MGAT4C: variants seen among roughly 807,000 people sequenced by gnomAD.
MGAT4C encodes alpha-1,3-mannosyl-glycoprotein 4-beta-N-acetylglucosaminyltransferase C.
Under a neutral mutation model 40.1 loss-of-function variants are expected in MGAT4C, and 19 were observed. The observed-to-expected ratio is 0.47, with a 90% CI of 0.33 to 0.70. The LOEUF (loss-of-function observed/expected upper bound fraction) is 0.70. Ranked by LOEUF, MGAT4C falls within the 30% of genes least tolerant of loss-of-function variation. The pLI is 0.02. For synonymous variants in MGAT4C, 181 were observed against 187.1 expected (o/e 0.97, Z 0.27); for missense variants, 491 against 563.2 (o/e 0.87, Z 1.30).
intron 1 of MGAT4C, among the ~76,000 whole-genome samples, chr12:86,834,755 G>A (rs932161601): frequency 6.6e-6 from 1 of 151,830 alleles, no homozygotes; most frequent in African/African-American, 2.4e-5. Flanking sequence ...TATAAATGAA[G>A]TCAGATGCCT....
At chr12:86,481,150 C>T (rs1175386362) in intron 2 of MGAT4C, among the ~76,000 whole-genome samples, 3 of 151,878 alleles carry the variant, frequency 2.0e-5, no homozygotes, top group Admixed American at 6.6e-5. Flanking sequence ...GTTTATAATG[C>T]TATAAATTCT....
chr12:86,629,027 A>G (rs538826739), intron 2 of MGAT4C, among the ~76,000 whole-genome samples: 2 of 152,270 alleles, frequency 1.3e-5, no homozygotes, highest in South Asian at 4.1e-4. Context: ...ATGCAGAGAC[A>G]CACATAGGCT....
intron 3 of MGAT4C, among the ~76,000 whole-genome samples, chr12:86,345,085 C>A (rs1368952100): frequency 3.3e-5 from 5 of 151,928 alleles, no homozygotes; most frequent in African/African-American, 7.2e-5. Context: ...TTTGAACAGA[C>A]AAATATGTCA....
chr12:86,694,966 C>A (rs1435071637), intron 2 of MGAT4C, among the ~76,000 whole-genome samples: 1 of 152,086 alleles, frequency 6.6e-6, no homozygotes, highest in Non-Finnish European at 1.5e-5. Context: ...AAACAATTAA[C>A]AAAGTGAAGA....
intron 4 of MGAT4C, among the ~76,000 whole-genome samples, chr12:86,278,303 C>G (rs6538029): frequency 0.67 from 101,148 of 150,556 alleles, 34,423 homozygotes; most frequent in South Asian, 0.78. Flanking sequence ...CTCGGCCCCT[C>G]AAATAGCTGG....
At chr12:86,477,841 C>T (rs987447919) in intron 2 of MGAT4C, among the ~76,000 whole-genome samples, 1 of 151,940 alleles carries the variant, frequency 6.6e-6, no homozygotes, top group Non-Finnish European at 1.5e-5. Context: ...TCAGAACATG[C>T]GGTGTTTGGT....
chr12:86,407,340 T>C (rs891721217), intron 3 of MGAT4C, among the ~76,000 whole-genome samples: 2 of 152,104 alleles, frequency 1.3e-5, no homozygotes, highest in Non-Finnish European at 2.9e-5. Context: ...ATTTCTGACA[T>C]TATATATTAA....
chr12:86,587,931 A>T (rs1961137767), intron 2 of MGAT4C, among the ~76,000 whole-genome samples: 1 of 151,800 alleles, frequency 6.6e-6, no homozygotes, highest in Non-Finnish European at 1.5e-5. Context: ...CTAATTGAAT[A>T]CCCTTTATTT....
intron 2 of MGAT4C, among the ~76,000 whole-genome samples, chr12:86,049,197 C>G (rs987725496): frequency 1.3e-5 from 2 of 151,960 alleles, no homozygotes; most frequent in Non-Finnish European, 2.9e-5. Flanking sequence ...CAAAACTACT[C>G]ATTAACACAA....
At chr12:86,609,903 G>T (rs1185051206) in intron 2 of MGAT4C, among the ~76,000 whole-genome samples, 3 of 151,906 alleles carry the variant, frequency 2.0e-5, no homozygotes, top group East Asian at 3.9e-4. Context: ...CTCCAACTTT[G>T]ACACTGCTTT....
At chr12:86,380,421 G>A (rs991948916) in intron 3 of MGAT4C, among the ~76,000 whole-genome samples, 6 of 151,942 alleles carry the variant, frequency 3.9e-5, no homozygotes, top group African/African-American at 1.5e-4. Flanking sequence ...CTGTGACCAT[G>A]CCATACATTA....
At chr12:86,617,726 A>C (rs1391242318) in intron 2 of MGAT4C, among the ~76,000 whole-genome samples, 1 of 152,086 alleles carries the variant, frequency 6.6e-6, no homozygotes, top group African/African-American at 2.4e-5. Flanking sequence ...CTAAAACAAT[A>C]AAATATTAGA....
At chr12:86,456,929 C>T (rs1354405140) in intron 2 of MGAT4C, among the ~76,000 whole-genome samples, 1 of 152,064 alleles carries the variant, frequency 6.6e-6, no homozygotes, top group African/African-American at 2.4e-5. Context: ...TAATGATATG[C>T]ACTCAACTAG....
intron 1 of MGAT4C, among the ~76,000 whole-genome samples, chr12:86,816,362 C>CG (rs1952606809): frequency 6.6e-6 from 1 of 151,716 alleles, no homozygotes; most frequent in African/African-American, 2.4e-5. Flanking sequence ...AATTAGTTGA[C>CG]GGTAAGCTAT....
intron 1 of MGAT4C, among the ~76,000 whole-genome samples, chr12:86,730,990 G>A (rs1464439350): frequency 4.6e-5 from 7 of 152,118 alleles, no homozygotes; most frequent in African/African-American, 1.4e-4. Flanking sequence ...CAGAGAGACA[G>A]TAATTTGCTT....
At chr12:86,806,296 G>C (rs1952352034) in intron 1 of MGAT4C, among the ~76,000 whole-genome samples, 1 of 151,812 alleles carries the variant, frequency 6.6e-6, no homozygotes, top group Admixed American at 6.6e-5. Flanking sequence ...AAATAATAGA[G>C]AGAAGACCTG....
chr12:86,703,765 T>G (rs1489076437), intron 2 of MGAT4C, among the ~76,000 whole-genome samples: 1 of 152,186 alleles, frequency 6.6e-6, no homozygotes, highest in Non-Finnish European at 1.5e-5. Flanking sequence ...ATGCCTCTAC[T>G]TAAAATTTCA....
intron 3 of MGAT4C, among the ~76,000 whole-genome samples, chr12:86,423,532 A>G (rs955984639): frequency 1.3e-5 from 2 of 152,116 alleles, no homozygotes; most frequent in Non-Finnish European, 2.9e-5. Flanking sequence ...TTTGTGTGCA[A>G]ATGTATGCAT....
chr12:86,704,751 G>T (rs1240652770), intron 2 of MGAT4C, among the ~76,000 whole-genome samples: 2 of 152,114 alleles, frequency 1.3e-5, no homozygotes, highest in African/African-American at 4.8e-5. Context: ...CTATAGGGCA[G>T]AATTTTGAAT....
Sources: allele counts gnomAD v4.1 joint callset (sites outside exome capture counted in the v4.1 genomes callset), GRCh38; gene constraint gnomAD v4.1.1; transcripts MANE v1.5; gene names NCBI Gene and HGNC (gene_info 2026-07-23, HGNC 2026-07-21).